Variants in LRRTM3 observed in about 807,000 individuals in gnomAD.
The protein encoded by LRRTM3 is leucine-rich repeat transmembrane neuronal protein 3.
LRRTM3 carries 24 observed loss-of-function variants against 44.7 expected under a neutral mutation model. The observed-to-expected ratio is 0.54, with a 90% CI of 0.39 to 0.76. The LOEUF is 0.76. Ranked by LOEUF, LRRTM3 falls within the 30% of genes least tolerant of loss-of-function variation. LRRTM3 has a pLI of 0.00. For missense variants in LRRTM3, 587 were observed against 702.2 expected (o/e 0.84, Z 1.85); for synonymous variants, 277 against 278.7 (o/e 0.99, Z 0.06).
chr10:67,065,387 A>G (rs2133233709), intron 2 of LRRTM3, among the ~76,000 whole-genome samples: 1 of 152,336 alleles, frequency 6.6e-6, no homozygotes, highest in Admixed American at 6.5e-5. Flanking sequence ...TAAAGGTATA[A>G]GGGCATTGAT....
intron 2 of LRRTM3, among the ~76,000 whole-genome samples, chr10:67,059,055 T>C (rs1285305360): frequency 6.6e-6 from 1 of 152,204 alleles, no homozygotes; most frequent in Non-Finnish European, 1.5e-5. Flanking sequence ...CACAAAGGAT[T>C]GATAAATATC....
chr10:66,985,756 T>G (rs1850693919), intron 2 of LRRTM3, among the ~76,000 whole-genome samples: 2 of 152,216 alleles, frequency 1.3e-5, no homozygotes, highest in Admixed American at 6.5e-5. Flanking sequence ...TGAGACAGAG[T>G]CTCACTCTAT....
chr10:67,041,201 C>CA (rs1443740679), intron 2 of LRRTM3, among the ~76,000 whole-genome samples: 3 of 152,030 alleles, frequency 2.0e-5, no homozygotes, highest in African/African-American at 7.2e-5. Context: ...TGAAGAAAAT[C>CA]AAACTTGTCA....
intron 2 of LRRTM3, among the ~76,000 whole-genome samples, chr10:66,964,171 G>A (rs1849275629): frequency 6.6e-6 from 1 of 151,864 alleles, no homozygotes; most frequent in African/African-American, 2.4e-5. Context: ...TCTGTCCACA[G>A]TAACATCGTA....
intron 2 of LRRTM3, chr10:67,015,306 T>A (rs1011296737): frequency 1.3e-5 from 2 of 152,172 alleles, no homozygotes; most frequent in African/African-American, 4.8e-5. Flanking sequence ...AAATCAGAGT[T>A]CCTCCATTCT....
chr10:67,034,582 C>T (rs1027473795), intron 2 of LRRTM3, among the ~76,000 whole-genome samples: 1 of 152,116 alleles, frequency 6.6e-6, no homozygotes, highest in Non-Finnish European at 1.5e-5. Context: ...TCCTTCAATG[C>T]CATCATCCAA....
chr10:66,936,467 TG>T (rs1847700200), intron 2 of LRRTM3, among the ~76,000 whole-genome samples: 1 of 152,116 alleles, frequency 6.6e-6, no homozygotes, highest in Admixed American at 6.6e-5. Flanking sequence ...GGTGTTTTTT[TG>T]TTTGTTTGTT....
At chr10:66,958,456 A>C (rs1382993730) in intron 2 of LRRTM3, among the ~76,000 whole-genome samples, 1 of 38,848 alleles carries the variant, frequency 2.6e-5, no homozygotes, top group Non-Finnish European at 7.0e-5. Flanking sequence ...AGAAAAATAA[A>C]AAGCTTTTTT....
chr10:67,080,788 G>A (rs919217258), intron 2 of LRRTM3, among the ~76,000 whole-genome samples: 3 of 151,502 alleles, frequency 2.0e-5, no homozygotes, highest in African/African-American at 4.8e-5. Context: ...GGGCGCCTGT[G>A]GTCCCAGCTA....
chr10:66,975,522 A>G (rs1849979009), intron 2 of LRRTM3, among the ~76,000 whole-genome samples: 1 of 152,188 alleles, frequency 6.6e-6, no homozygotes, highest in African/African-American at 2.4e-5. Flanking sequence ...TTGGCTGGAT[A>G]TTGCAAATCA....
At chr10:66,993,694 GA>G (rs58941459) in intron 2 of LRRTM3, among the ~76,000 whole-genome samples, 35,698 of 141,948 alleles carry the variant, frequency 0.25, 4,376 homozygotes, top group South Asian at 0.4. Context: ...ATACATAAAT[GA>G]AAAAAAAAAA....
At chr10:67,024,998 C>T (rs147970693) in intron 2 of LRRTM3, among the ~76,000 whole-genome samples, 3,361 of 151,644 alleles carry the variant, frequency 0.022, 139 homozygotes, top group African/African-American at 0.077. Context: ...GGTGTGGTGG[C>T]GCATGCCTGT....
intron 2 of LRRTM3, among the ~76,000 whole-genome samples, chr10:67,005,682 CTTTT>C (rs11369576): frequency 5.0e-4 from 31 of 61,984 alleles, no homozygotes; most frequent in East Asian, 1.4e-3. Context: ...TTTACTCCAT[CTTTT>C]TTTTTTTTTT....
intron 2 of LRRTM3, among the ~76,000 whole-genome samples, chr10:67,069,500 A>G (rs1856304159): frequency 6.6e-6 from 1 of 152,114 alleles, no homozygotes; most frequent in South Asian, 2.1e-4. Context: ...AACTGAATAC[A>G]TCTATGTAAG....
intron 2 of LRRTM3, among the ~76,000 whole-genome samples, chr10:67,043,133 TTC>T (rs59541690): frequency 0.39 from 43,367 of 112,114 alleles, 6,725 homozygotes; most frequent in Admixed American, 0.51. Flanking sequence ...CTCACTTTCT[TTC>T]TTTTTTTTTT....
intron 2 of LRRTM3, among the ~76,000 whole-genome samples, chr10:66,940,063 G>A (rs1847916617): frequency 6.6e-6 from 1 of 151,968 alleles, no homozygotes; most frequent in Admixed American, 6.6e-5. Flanking sequence ...TAAGTAGTTA[G>A]GTTTTGTGTT....
At chr10:67,094,719 T>A (rs1326880517) in intron 2 of LRRTM3, among the ~76,000 whole-genome samples, 1 of 151,690 alleles carries the variant, frequency 6.6e-6, no homozygotes, top group Non-Finnish European at 1.5e-5. Context: ...TTTTATATAT[T>A]AAAAAATTAT....
At chr10:66,979,305 A>G (rs1484605011) in intron 2 of LRRTM3, among the ~76,000 whole-genome samples, 1 of 152,130 alleles carries the variant, frequency 6.6e-6, no homozygotes, top group Non-Finnish European at 1.5e-5. Flanking sequence ...GAATTGGTTC[A>G]TCCTAAAGTG....
intron 2 of LRRTM3, among the ~76,000 whole-genome samples, chr10:67,093,050 G>A (rs905236025): frequency 2.0e-5 from 3 of 151,866 alleles, no homozygotes; most frequent in South Asian, 2.1e-4. Flanking sequence ...CTTGGAAAAC[G>A]GTGATTTAGA....
Sources: allele counts gnomAD v4.1 joint callset (sites outside exome capture counted in the v4.1 genomes callset), GRCh38; gene constraint gnomAD v4.1.1; transcripts MANE v1.5; gene names NCBI Gene and HGNC (gene_info 2026-07-23, HGNC 2026-07-21).